Variants in LYPLAL1 observed in about 807,000 individuals in gnomAD.
LYPLAL1 encodes lysophospholipase like 1.
In LYPLAL1, 23 loss-of-function variants were observed where a neutral mutation model predicts 19.7. The observed-to-expected ratio is 1.17, with a 90% CI of 0.84 to 1.65. The LOEUF is 1.65. Ranked by LOEUF, LYPLAL1 falls within the 40% of genes most tolerant of loss-of-function variation. The pLI, the probability that LYPLAL1 is intolerant of heterozygous loss-of-function variation, is 0.00. For synonymous variants in LYPLAL1, 119 were observed against 96.3 expected, an observed-to-expected ratio of 1.24 and a Z score of -1.38; for missense variants, 355 against 279.4, an observed-to-expected ratio of 1.27 and a Z score of -1.93.
chr1:219,280,222 A>C, the LYPLAL1 span, among the ~76,000 whole-genome samples: 5 of 152,244 alleles, frequency 3.3e-5, no homozygotes, highest in Admixed American at 6.5e-5. Flanking sequence ...ACTGAACCTC[A>C]TAACTTTTCT....
chr1:219,199,143 G>T (rs1657862279), intron 3 of LYPLAL1, among the ~76,000 whole-genome samples: 1 of 152,102 alleles, frequency 6.6e-6, no homozygotes, highest in African/African-American at 2.4e-5. Context: ...TAATGAGTTG[G>T]AGGTACTAAT....
chr1:219,387,527 T>C, the LYPLAL1 span, among the ~76,000 whole-genome samples: 2 of 152,236 alleles, frequency 1.3e-5, no homozygotes, highest in Non-Finnish European at 2.9e-5. Context: ...CCCCTTAAGA[T>C]GAAATCTAAT....
the LYPLAL1 span, among the ~76,000 whole-genome samples, chr1:219,399,793 G>A: frequency 6.6e-6 from 1 of 152,168 alleles, no homozygotes; most frequent in Non-Finnish European, 1.5e-5. Context: ...TGATGAGCAA[G>A]ACTGCCCAGT....
At chr1:219,318,360 C>T in the LYPLAL1 span, among the ~76,000 whole-genome samples, 1 of 152,036 alleles carries the variant, frequency 6.6e-6, no homozygotes, top group East Asian at 1.9e-4. Flanking sequence ...CCTAAGCAAA[C>T]ACCTGTGTTA....
At chr1:219,441,389 G>T in the LYPLAL1 span, among the ~76,000 whole-genome samples, 2 of 152,146 alleles carry the variant, frequency 1.3e-5, no homozygotes, top group Non-Finnish European at 2.9e-5. Context: ...GATGAGGCCC[G>T]AGATTCATTT....
the LYPLAL1 span, among the ~76,000 whole-genome samples, chr1:219,389,132 T>A: frequency 7.2e-5 from 11 of 152,210 alleles, no homozygotes; most frequent in African/African-American, 9.6e-5. Flanking sequence ...TGAATTTTAT[T>A]CATTCTTTTT....
the LYPLAL1 span, among the ~76,000 whole-genome samples, chr1:219,371,736 A>T: frequency 4.0e-5 from 6 of 150,550 alleles, no homozygotes; most frequent in Non-Finnish European, 7.4e-5. Flanking sequence ...TGTTTCCCTC[A>T]CTTCCATTCT....
chr1:219,239,021 C>A, the LYPLAL1 span, among the ~76,000 whole-genome samples: 5 of 152,140 alleles, frequency 3.3e-5, no homozygotes, highest in South Asian at 1.0e-3. Flanking sequence ...GAGGGTTTGT[C>A]CCAGGAAATT....
chr1:219,343,004 G>A, the LYPLAL1 span, among the ~76,000 whole-genome samples: 1 of 152,192 alleles, frequency 6.6e-6, no homozygotes, highest in East Asian at 1.9e-4. Context: ...GAGCACGGAT[G>A]TGATAGTGGT....
At chr1:219,279,681 A>C in the LYPLAL1 span, among the ~76,000 whole-genome samples, 110 of 152,332 alleles carry the variant, frequency 7.2e-4, no homozygotes, top group Non-Finnish European at 1.3e-3. Flanking sequence ...TTAACAAGCC[A>C]GTTTTGACAA....
the LYPLAL1 span, among the ~76,000 whole-genome samples, chr1:219,403,319 G>A: frequency 6.6e-6 from 1 of 152,168 alleles, no homozygotes; most frequent in Non-Finnish European, 1.5e-5. Flanking sequence ...ACCTAAAGGG[G>A]ATGTGTCTAC....
chr1:219,391,695 C>G, the LYPLAL1 span, among the ~76,000 whole-genome samples: 1 of 151,970 alleles, frequency 6.6e-6, no homozygotes. Context: ...AACTGATATT[C>G]AAGCTATATA....
At chr1:219,260,871 A>T in the LYPLAL1 span, among the ~76,000 whole-genome samples, 5 of 151,726 alleles carry the variant, frequency 3.3e-5, no homozygotes, top group Admixed American at 6.6e-5. Flanking sequence ...TATAGGCCAA[A>T]TTTTTTATCC....
the LYPLAL1 span, among the ~76,000 whole-genome samples, chr1:219,219,755 C>T: frequency 6.6e-6 from 1 of 152,150 alleles, no homozygotes; most frequent in African/African-American, 2.4e-5. Flanking sequence ...CTCACACAAA[C>T]ACACAAGCCC....
chr1:219,283,990 C>G, the LYPLAL1 span, among the ~76,000 whole-genome samples: 1 of 152,152 alleles, frequency 6.6e-6, no homozygotes, highest in Non-Finnish European at 1.5e-5. Flanking sequence ...GTAATTCCCA[C>G]GTATGGAGGG....
chr1:219,408,657 G>T, the LYPLAL1 span, among the ~76,000 whole-genome samples: 2 of 152,012 alleles, frequency 1.3e-5, no homozygotes, highest in African/African-American at 4.8e-5. Flanking sequence ...CTTTCCAGGA[G>T]GGTATGCTTA....
the LYPLAL1 span, among the ~76,000 whole-genome samples, chr1:219,325,462 A>T: frequency 6.6e-6 from 1 of 152,214 alleles, no homozygotes; most frequent in African/African-American, 2.4e-5. Context: ...TTCTTGACTC[A>T]TGAAGACCAC....
the LYPLAL1 span, among the ~76,000 whole-genome samples, chr1:219,326,832 A>G: frequency 1.3e-5 from 2 of 152,174 alleles, no homozygotes; most frequent in East Asian, 1.9e-4. Flanking sequence ...GCATCAGCCT[A>G]TGGGGAAGAA....
chr1:219,437,751 A>ATTTATTTTAT, the LYPLAL1 span, among the ~76,000 whole-genome samples: 7,005 of 143,492 alleles, frequency 0.049, 291 homozygotes, highest in African/African-American at 0.098. Flanking sequence ...ATTTTATTGT[A>ATTTATTTTAT]TTTATTTTAT....
Sources: gnomAD v4.1 joint callset for allele counts (sites outside exome capture counted in the v4.1 genomes callset) on GRCh38, gnomAD v4.1.1 for gene constraint, MANE v1.5 for transcripts, NCBI Gene and HGNC (gene_info 2026-07-23, HGNC 2026-07-21) for gene names.